F8: variants seen among roughly 807,000 people sequenced by gnomAD.
The protein encoded by F8 is antihemophilic factor.
In F8, 12 loss-of-function variants were observed where a neutral mutation model predicts 140.6. That is an observed-to-expected ratio of 0.09 (90% confidence interval 0.05 to 0.14). The LOEUF is 0.14. Ranked by LOEUF, F8 falls within the 10% of genes least tolerant of loss-of-function variation. The pLI is 1.00. For synonymous variants in F8, 585 were observed against 614.6 expected, an observed-to-expected ratio of 0.95 and a Z score of 0.71; for missense variants, 1,354 against 1,720.7, an observed-to-expected ratio of 0.79 and a Z score of 3.77.
chrX:154,846,300 C>T (rs782588014), intron 25 of F8, among the ~76,000 whole-genome samples: 14 of 111,560 alleles, frequency 1.3e-4, no homozygotes, highest in East Asian at 5.6e-4. Flanking sequence ...CTATTAGGTC[C>T]GCTTGCTGCA....
chrX:154,982,459 A>AT (rs2073533276), intron 6 of F8, among the ~76,000 whole-genome samples: 1 of 104,033 alleles, frequency 9.6e-6, no homozygotes, highest in African/African-American at 3.5e-5. Flanking sequence ...AAAAAAAAAA[A>AT]AAAAAATATA....
intron 1 of F8, among the ~76,000 whole-genome samples, chrX:155,016,234 A>G (rs907474209): frequency 1.8e-5 from 2 of 110,790 alleles, no homozygotes; most frequent in South Asian, 3.8e-4. Flanking sequence ...TCCATCTCAA[A>G]AAAAAAAAAA....
intron 3 of F8, among the ~76,000 whole-genome samples, chrX:154,993,911 T>C (rs1260099362): frequency 8.9e-6 from 1 of 112,311 alleles, no homozygotes. Flanking sequence ...TATAATACCA[T>C]GTGGAAATAT....
At chrX:154,942,216 A>G (rs2124072602) in intron 13 of F8, among the ~76,000 whole-genome samples, 1 of 108,970 alleles carries the variant, frequency 9.2e-6, no homozygotes, top group Non-Finnish European at 1.9e-5. Flanking sequence ...CAAAAAATTA[A>G]TGAATCCAGG....
chrX:154,880,817 A>G (rs1200902235), intron 22 of F8, among the ~76,000 whole-genome samples: 2 of 111,754 alleles, frequency 1.8e-5, no homozygotes, highest in Admixed American at 1.9e-4. Context: ...ACAACAGAAT[A>G]TTTCTCGTTG....
chrX:154,945,053 C>T (rs782235240), intron 13 of F8, among the ~76,000 whole-genome samples: 95 of 109,795 alleles, frequency 8.7e-4, no homozygotes, highest in African/African-American at 3.0e-3. Context: ...TAGCATTAGG[C>T]GATATACCTA....
intron 12 of F8, among the ~76,000 whole-genome samples, chrX:154,953,393 A>G (rs782669639): frequency 8.9e-6 from 1 of 112,099 alleles, no homozygotes; most frequent in African/African-American, 3.2e-5. Flanking sequence ...CAAGGGAGAA[A>G]GCCATCTACA....
At chrX:155,005,129 G>C (rs1376575528) in intron 1 of F8, among the ~76,000 whole-genome samples, 3 of 111,403 alleles carry the variant, frequency 2.7e-5, no homozygotes, top group African/African-American at 9.8e-5. Flanking sequence ...CACACCAAGA[G>C]TCTCATTAAA....
Position 154,836,328 on chromosome X carries a change from G to A in F8, c.*1269C>T, listed in dbSNP as rs1247737727. On this transcript the variant is annotated 3_prime_UTR_variant, in exon 26 of 26. Coordinates refer to ENST00000360256, the MANE Select transcript of F8 (RefSeq NM_000132.4). ...TGTCTCCAGCCCCCTTTACTATCAG[G>A]AGATTCTGTGTAGTCATAGTGAAGG... 1 of 111,082 alleles carries A rather than the reference G, an allele frequency of 9.0e-6. No homozygotes were observed. Among genetic ancestry groups the A allele is most frequent in the Non-Finnish European group, 1.9e-5 (1 of 53,063 alleles). The allele number at this position is 111,082 out of a possible 1,213,427, so 9.2% of individuals were successfully genotyped here.
chrX:154,870,229 C>A, intron 22 of F8, among the ~76,000 whole-genome samples: 1 of 112,021 alleles, frequency 8.9e-6, no homozygotes, highest in Non-Finnish European at 1.9e-5. Context: ...CAAAACCTGA[C>A]AGAGACACAA....
rs1557278536 is a variant in F8, at chrX:154,929,835, T to C, written c.3955A>G (p.Asn1319Asp). The C allele has an allele frequency of 8.3e-7, 1 of 1,212,069 alleles. No homozygotes were observed. The highest frequency in any genetic ancestry group is 1.1e-6 in the Non-Finnish European group (1 of 895,494). Residue 1319 changes from asparagine to aspartate, a missense_variant, in exon 14 of 26, where the codon AAT becomes GAT. By Grantham distance (23) the Asn-to-Asp change is conservative. Around this residue, in one of 4 missense-constraint regions of F8, gnomAD observed 658 missense variants for 666.5 expected, o/e 0.99. Transcript: ENST00000360256. ...GTGACAAAATTCTGCTGGCTTGTATTAGGAGATATCCTTGTGGTGCATGCA... is the reference window on the plus strand; with the variant it reads ...GTGACAAAATTCTGCTGGCTTGTATCAGGAGATATCCTTGTGGTGCATGCA... ...KYACTTRISP[N>D]TSQQNFVTQR...
At chrX:154,956,930 C>A in intron 11 of F8, 27 bp downstream of exon 11, 1 of 1,158,044 alleles carries the variant, frequency 8.6e-7, no homozygotes, top group South Asian at 1.8e-5. Context: ...AGAATGAAAC[C>A]CAGCACTTGG....
At chrX:154,910,482 G>A (rs1227518288) in intron 14 of F8, among the ~76,000 whole-genome samples, 2 of 111,187 alleles carry the variant, frequency 1.8e-5, no homozygotes, top group Non-Finnish European at 3.8e-5. Context: ...GTTAGTGGGT[G>A]CAGCACACCA....
At position 154,973,668 on chromosome X, in the gene F8, G is replaced by A. The variant is rs141993401; in HGVS notation, c.788-4116C>T. Among the ~76,000 whole-genome samples, 15 of 112,292 alleles carry A rather than the reference G, an allele frequency of 1.3e-4. No individual in the cohort carries two copies. In the East Asian group the frequency reaches 4.2e-3, roughly 31 times the overall value. ...GCATATAGACATGCTATCAATTATT[G>A]TATGTTGATTTTGTAGACTACAAGT... On this transcript the variant is annotated intron_variant, in intron 6 of 25. Coordinates refer to ENST00000360256, the MANE Select transcript of F8 (RefSeq NM_000132.4).
At chrX:154,845,377 C>T (rs1381465840) in intron 25 of F8, among the ~76,000 whole-genome samples, 17 of 111,948 alleles carry the variant, frequency 1.5e-4, no homozygotes, top group African/African-American at 5.5e-4. Context: ...GTACCAGCTC[C>T]TCCTTGTAGT....
chrX:155,011,762 A>G, intron 1 of F8, among the ~76,000 whole-genome samples: 1 of 112,556 alleles, frequency 8.9e-6, no homozygotes, highest in East Asian at 2.8e-4. Context: ...AACATGGAAG[A>G]TTTTTTTAAA....
In F8 at chrX:154,900,133, A is replaced by G. The variant is rs147650620; in HGVS notation, c.6188-182T>C. ...AGGATATTGCTTATCCTTGTTGTCCATTTTATTTTCTAAAATTTATAATTT... is the reference window on the plus strand; with the variant it reads ...AGGATATTGCTTATCCTTGTTGTCCGTTTTATTTTCTAAAATTTATAATTT... On this transcript the variant is annotated intron_variant, in intron 20 of 25. Transcript: ENST00000360256. Among the ~76,000 whole-genome samples the G allele has an allele frequency of 5.7e-3, 646 of 112,419 alleles. 7 individuals are homozygous for G. The highest frequency in any genetic ancestry group is 0.02 in the African/African-American group (614 of 30,987).
intron 25 of F8, among the ~76,000 whole-genome samples, chrX:154,851,501 C>A (rs1331852473): frequency 9.0e-6 from 1 of 111,553 alleles, no homozygotes; most frequent in Non-Finnish European, 1.9e-5. Flanking sequence ...ATTTCACATT[C>A]TCATCATCAA....
At chrX:154,890,925 G>T (rs1557275143) in intron 22 of F8, among the ~76,000 whole-genome samples, 1 of 112,521 alleles carries the variant, frequency 8.9e-6, no homozygotes, top group Non-Finnish European at 1.9e-5. Flanking sequence ...CCAAAACCTG[G>T]TAAGTAGAGC....
Sources: gnomAD v4.1 joint callset for allele counts (sites outside exome capture counted in the v4.1 genomes callset) on GRCh38, gnomAD v4.1.1 for gene constraint, gnomAD v4.1.1 regional missense constraint, MANE v1.5 for transcripts, NCBI Gene and HGNC (gene_info 2026-07-23, HGNC 2026-07-21) for gene names.